AUTS2: variants seen among roughly 807,000 people sequenced by gnomAD.
AUTS2 encodes activator of transcription and developmental regulator AUTS2, also known as autism susceptibility gene 2 protein.
In AUTS2, 17 loss-of-function variants were observed where a neutral mutation model predicts 112.4. That is an observed-to-expected ratio of 0.15 (90% CI 0.10 to 0.23). The LOEUF (loss-of-function observed/expected upper bound fraction) is 0.23, where lower values mean the gene tolerates loss of function less well. Among genes scored for constraint, AUTS2 ranks in the 10% least tolerant of loss-of-function variants. The pLI, the probability that AUTS2 is intolerant of heterozygous loss-of-function variation, is 1.00. For missense variants in AUTS2, 1,510 were observed against 1,701.6 expected (o/e 0.89, Z 1.98); for synonymous variants, 751 against 702.7 (o/e 1.07, Z -1.09).
chr7:70,668,270 C>G (rs940053782), intron 5 of AUTS2, among the ~76,000 whole-genome samples: 14 of 152,204 alleles, frequency 9.2e-5, no homozygotes, highest in Non-Finnish European at 1.5e-4. Flanking sequence ...TGAGCCACCG[C>G]GCCCAGCCAG....
chr7:70,613,466 T>G (rs986592554), intron 5 of AUTS2, among the ~76,000 whole-genome samples: 1 of 152,098 alleles, frequency 6.6e-6, no homozygotes, highest in Non-Finnish European at 1.5e-5. Flanking sequence ...AGGTGTGTTT[T>G]GTTAGGGATT....
At chr7:70,344,985 C>G (rs1791429969) in intron 4 of AUTS2, among the ~76,000 whole-genome samples, 1 of 152,188 alleles carries the variant, frequency 6.6e-6, no homozygotes, top group East Asian at 1.9e-4. Context: ...TGGCTGTTTG[C>G]AAAGCAGGGT....
chr7:70,597,217 C>T (rs1803252369), intron 5 of AUTS2, among the ~76,000 whole-genome samples: 1 of 152,196 alleles, frequency 6.6e-6, no homozygotes, highest in African/African-American at 2.4e-5. Flanking sequence ...AGACTTTCAG[C>T]TGCTAATTCC....
intron 6 of AUTS2, among the ~76,000 whole-genome samples, chr7:70,754,943 A>G (rs73706464): frequency 0.02 from 3,092 of 151,650 alleles, 114 homozygotes; most frequent in African/African-American, 0.07. Flanking sequence ...TCGTAACAGA[A>G]TATGAAGATG....
chr7:70,364,176 A>G (rs1193732713), intron 4 of AUTS2, among the ~76,000 whole-genome samples: 1 of 152,146 alleles, frequency 6.6e-6, no homozygotes, highest in Non-Finnish European at 1.5e-5. Flanking sequence ...CTGGCTTACT[A>G]AAAAAGCATT....
intron 1 of AUTS2, among the ~76,000 whole-genome samples, chr7:69,730,238 G>A (rs1786731816): frequency 6.6e-6 from 1 of 151,540 alleles, no homozygotes; most frequent in African/African-American, 2.4e-5. Flanking sequence ...GTAACCCTTT[G>A]TAATATTTGT....
intron 2 of AUTS2, among the ~76,000 whole-genome samples, chr7:69,950,766 A>C (rs1021669647): frequency 2.6e-5 from 4 of 152,176 alleles, no homozygotes; most frequent in Non-Finnish European, 1.5e-5. Flanking sequence ...GAATGGAGCC[A>C]TCCATGGATG....
intron 5 of AUTS2, among the ~76,000 whole-genome samples, chr7:70,527,827 T>C (rs1278305908): frequency 6.6e-6 from 1 of 152,172 alleles, no homozygotes; most frequent in Non-Finnish European, 1.5e-5. Context: ...CTCCAAGGTT[T>C]TTCTTCTTAC....
intron 2 of AUTS2, among the ~76,000 whole-genome samples, chr7:70,074,078 G>A (rs1802912255): frequency 6.6e-6 from 1 of 152,172 alleles, no homozygotes; most frequent in Admixed American, 6.5e-5. Flanking sequence ...CAAAATAGCT[G>A]TAAATGTCAA....
intron 1 of AUTS2, among the ~76,000 whole-genome samples, chr7:69,779,713 G>A (rs1205167959): frequency 6.8e-5 from 10 of 146,540 alleles, no homozygotes; most frequent in Non-Finnish European, 1.2e-4. Flanking sequence ...CAGTGAGCCC[G>A]AGATTGCTCC....
chr7:70,395,881 G>GT (rs1794059784), intron 4 of AUTS2, among the ~76,000 whole-genome samples: 1 of 152,094 alleles, frequency 6.6e-6, no homozygotes, highest in African/African-American at 2.4e-5. Flanking sequence ...TCCAAGATAT[G>GT]TTTTAGCTCT....
rs1482703726 is a variant in AUTS2, at chr7:69,710,771, C to A, written c.309+110809C>A. Among the ~76,000 whole-genome samples the A allele has an allele frequency of 3.3e-5, 5 of 152,280 alleles. No homozygotes were observed. The East Asian group carries it at 7.7e-4, about 24-fold the overall frequency. ...CACCTCCATTGCGCTGTTTAAATTTCTGTCTGGTTGTTGAAAAGAAGGTGT... is the reference window on the plus strand; with the variant it reads ...CACCTCCATTGCGCTGTTTAAATTTATGTCTGGTTGTTGAAAAGAAGGTGT... On this transcript the variant is annotated intron_variant, in intron 1 of 18. Transcript: ENST00000342771.
intron 2 of AUTS2, among the ~76,000 whole-genome samples, chr7:70,030,873 A>G (rs937841700): frequency 2.6e-5 from 4 of 152,070 alleles, no homozygotes; most frequent in African/African-American, 9.7e-5. Context: ...ATCCTGTAGA[A>G]CGGGATCCCA....
intron 5 of AUTS2, among the ~76,000 whole-genome samples, chr7:70,529,798 G>T (rs1029703521): frequency 6.6e-6 from 1 of 152,170 alleles, no homozygotes. Context: ...GTTCTCAGGG[G>T]GCAGTGATGA....
chr7:69,702,444 T>A (rs1797860054), intron 1 of AUTS2, among the ~76,000 whole-genome samples: 1 of 152,182 alleles, frequency 6.6e-6, no homozygotes, highest in South Asian at 2.1e-4. Flanking sequence ...ACTTAGGGTC[T>A]GTAGGGCAGT....
intron 5 of AUTS2, among the ~76,000 whole-genome samples, chr7:70,610,246 G>A (rs58556893): frequency 0.14 from 20,533 of 151,736 alleles, 1,510 homozygotes; most frequent in Middle Eastern, 0.22. Context: ...TGATCCAACT[G>A]CCTTGACCTC....
At chr7:69,708,262 C>A (rs1013417383) in intron 1 of AUTS2, among the ~76,000 whole-genome samples, 3 of 152,076 alleles carry the variant, frequency 2.0e-5, no homozygotes, top group African/African-American at 7.2e-5. Context: ...TGCTCACCTC[C>A]TCTAAATTCT....
intron 1 of AUTS2, among the ~76,000 whole-genome samples, chr7:69,709,453 A>C (rs896346305): frequency 6.6e-6 from 1 of 152,154 alleles, no homozygotes; most frequent in Non-Finnish European, 1.5e-5. Flanking sequence ...TTTTCACTTC[A>C]TAGTGTTTCT....
intron 6 of AUTS2, among the ~76,000 whole-genome samples, chr7:70,744,666 A>G (rs962269175): frequency 2.0e-5 from 3 of 152,168 alleles, no homozygotes; most frequent in Non-Finnish European, 4.4e-5. Flanking sequence ...GACAGGTGAC[A>G]TATTCGAGGT....
Sources: allele counts gnomAD v4.1 joint callset (sites outside exome capture counted in the v4.1 genomes callset), GRCh38; gene constraint gnomAD v4.1.1; transcripts MANE v1.5; gene names NCBI Gene and HGNC (gene_info 2026-07-23, HGNC 2026-07-21).